The following FRMD6 variants were observed in gnomAD, a reference collection of about 807,000 sequenced individuals.
The protein encoded by FRMD6 is FERM domain containing 6.
In FRMD6, 37 loss-of-function variants were observed where a neutral mutation model predicts 73.2. The observed-to-expected ratio is 0.51, with a 90% CI of 0.39 to 0.66. FRMD6 has a LOEUF of 0.66. Among genes scored for constraint, FRMD6 ranks in the 30% least tolerant of loss-of-function variants. FRMD6 has a pLI of 0.00. For synonymous variants in FRMD6, 273 were observed against 282.2 expected (o/e 0.97, Z 0.33); for missense variants, 714 against 780.5 (o/e 0.91, Z 1.02).
chr14:51,685,738 A>G (rs986541977), intron 1 of FRMD6, among the ~76,000 whole-genome samples: 1 of 152,178 alleles, frequency 6.6e-6, no homozygotes, highest in Non-Finnish European at 1.5e-5. Flanking sequence ...AAATCGGGAC[A>G]ATATTATCGT....
At chr14:51,667,839 A>C (rs560447025) in intron 1 of FRMD6, among the ~76,000 whole-genome samples, 1 of 152,210 alleles carries the variant, frequency 6.6e-6, no homozygotes. Context: ...TAAAACTCAA[A>C]TACTGATTTT....
At chr14:51,523,232 T>C (rs973225273) in intron 1 of FRMD6, among the ~76,000 whole-genome samples, 1 of 152,228 alleles carries the variant, frequency 6.6e-6, no homozygotes, top group African/African-American at 2.4e-5. Context: ...AATAATGTTT[T>C]TCTTTAAGTC....
chr14:51,724,764 G>A (rs1345251303), intron 12 of FRMD6, among the ~76,000 whole-genome samples: 9 of 151,426 alleles, frequency 5.9e-5, no homozygotes, highest in Non-Finnish European at 7.4e-5. Context: ...TTGGCCTTAT[G>A]GATCTAGGGC....
At chr14:51,578,070 G>A (rs1888504965) in intron 2 of FRMD6, among the ~76,000 whole-genome samples, 1 of 152,096 alleles carries the variant, frequency 6.6e-6, no homozygotes, top group Admixed American at 6.5e-5. Flanking sequence ...CATCGTTGCT[G>A]TTATTATTGT....
chr14:51,547,998 T>C (rs1053524679), intron 1 of FRMD6: 1 of 152,106 alleles, frequency 6.6e-6, no homozygotes, highest in Non-Finnish European at 1.5e-5. Context: ...TACAGAAATG[T>C]TAATGAGGTG....
At chr14:51,554,789 C>T (rs1004126200) in intron 1 of FRMD6, 5 of 152,120 alleles carry the variant, frequency 3.3e-5, no homozygotes, top group African/African-American at 1.2e-4. Flanking sequence ...GAATCCGAGA[C>T]AGAAAGAGGA....
At chr14:51,471,345 C>CAACA in the FRMD6 span, among the ~76,000 whole-genome samples, 2 of 151,794 alleles carry the variant, frequency 1.3e-5, no homozygotes, top group Middle Eastern at 6.8e-3. Context: ...ACAACAACAA[C>CAACA]AAAAAATTAG....
Position 51,687,194 on chromosome 14 carries a change from T to G in FRMD6, c.-146-2497T>G, listed in dbSNP as rs371705508. Among the ~76,000 whole-genome samples, 23 of 152,296 alleles carry G rather than the reference T, an allele frequency of 1.5e-4. No individual in the cohort carries two copies. In the East Asian group the frequency reaches 3.7e-3, roughly 24 times the overall value. ...ACATCCCACAGCTCAGAAGATATTTTTTTCTAGTTTATTTTTTAAATTCTG... is the reference window on the plus strand; with the variant it reads ...ACATCCCACAGCTCAGAAGATATTTGTTTCTAGTTTATTTTTTAAATTCTG... On this transcript the variant is annotated intron_variant, in intron 1 of 13. Transcript: ENST00000344768.
intron 1 of FRMD6, among the ~76,000 whole-genome samples, chr14:51,688,268 T>G (rs543605661): frequency 2.0e-5 from 3 of 152,256 alleles, no homozygotes; most frequent in Admixed American, 6.5e-5. Context: ...ATGAGATGAT[T>G]ATTATTAAGA....
intron 1 of FRMD6, among the ~76,000 whole-genome samples, chr14:51,687,578 A>G (rs116047346): frequency 6.6e-6 from 1 of 152,308 alleles, no homozygotes; most frequent in African/African-American, 2.4e-5. Flanking sequence ...TTGTGTGCCC[A>G]AGTAAGTTTG....
intron 2 of FRMD6, among the ~76,000 whole-genome samples, chr14:51,620,553 C>T (rs766954082): frequency 2.6e-5 from 4 of 152,062 alleles, no homozygotes; most frequent in Non-Finnish European, 4.4e-5. Context: ...ACCAGTCAGA[C>T]GTTTGCTTGG....
At chr14:51,449,953 C>CTGGGCCT in the FRMD6 span, among the ~76,000 whole-genome samples, 1 of 152,230 alleles carries the variant, frequency 6.6e-6, no homozygotes, top group South Asian at 2.1e-4. Flanking sequence ...CGATTTCCAT[C>CTGGGCCT]TGGGCCTGTG....
intron 1 of FRMD6, among the ~76,000 whole-genome samples, chr14:51,496,587 C>A (rs939260108): frequency 1.3e-5 from 2 of 152,206 alleles, no homozygotes; most frequent in Non-Finnish European, 2.9e-5. Flanking sequence ...GAAGCCTCTT[C>A]AGATCTGGGC....
chr14:51,614,849 G>A (rs6572781), intron 2 of FRMD6, among the ~76,000 whole-genome samples: 1 of 151,952 alleles, frequency 6.6e-6, no homozygotes, highest in African/African-American at 2.4e-5. Context: ...TACTTCCAAT[G>A]CCTCTAAATC....
At chr14:51,541,109 G>A (rs76789414) in intron 1 of FRMD6, among the ~76,000 whole-genome samples, 2,293 of 152,192 alleles carry the variant, frequency 0.015, 20 homozygotes, top group Non-Finnish European at 0.025. Context: ...GGGTGTCTTA[G>A]AGCAGAGGTT....
chr14:51,729,506 A>G lies in FRMD6; in HGVS notation c.*1477A>G, dbSNP rs181913038. ...GAACTTCATAGCACAATGTCTTTCT[A>G]TAAGATATTTTTAATGATTTAGTAT... On this transcript the variant is annotated 3_prime_UTR_variant, in exon 14 of 14. Transcript: ENST00000344768. The G allele has an allele frequency of 5.9e-5, 9 of 152,786 alleles. 1 individual carries two copies. Among genetic ancestry groups the G allele is most frequent in the Admixed American group, 3.9e-4 (6 of 15,302 alleles). The allele number at this position is 152,786 out of a possible 1,614,324, so 9.5% of individuals were successfully genotyped here. A position where few individuals can be genotyped will look rare whatever the true frequency, so the allele number is the denominator to read the frequency against.
Position 51,708,120 on chromosome 14 carries a change from C to G in FRMD6, c.601C>G (p.Pro201Ala). 6.2e-7 allele frequency: 1 copy of G among 1,613,286 alleles called. No homozygotes were observed. Among genetic ancestry groups the G allele is most frequent in the Non-Finnish European group, 8.5e-7 (1 of 1,179,488 alleles). ...GAAGGACTACATCCTGAAGCACATT[C>G]CAAACATGCACAAAGATCAGTTTGC... Reference protein sequence around the residue: ...RGKDYILKHIPNMHKDQFALT... With the variant: ...RGKDYILKHIANMHKDQFALT... Residue 201 changes from proline to alanine, a missense_variant, in exon 7 of 14, where the codon CCA becomes GCA. Physicochemically the swap from Pro to Ala is conservative, Grantham distance 27. Coordinates refer to ENST00000344768, the MANE Select transcript of FRMD6 (RefSeq NM_001267046.2).
intron 1 of FRMD6, among the ~76,000 whole-genome samples, chr14:51,508,553 T>C (rs1884113039): frequency 6.6e-6 from 1 of 152,120 alleles, no homozygotes; most frequent in Non-Finnish European, 1.5e-5. Context: ...TTGTTCAAAA[T>C]ATGGAGGAAA....
In FRMD6 at chr14:51,657,790, C is replaced by G. The variant is rs375014485; in HGVS notation, c.-147+5794C>G. Among the ~76,000 whole-genome samples, 361 of 152,244 alleles carry G rather than the reference C, an allele frequency of 2.4e-3. 1 individual carries two copies. The highest frequency in any genetic ancestry group is 8.4e-3 in the African/African-American group (348 of 41,532). ...AAACTTTAAAGGTTCCACTCAGCCA[C>G]TGTATCCTAAGGATATAGTTTGGAA... On this transcript the variant is annotated intron_variant, in intron 1 of 13. Transcript: ENST00000344768.
Sources: allele counts gnomAD v4.1 joint callset (sites outside exome capture counted in the v4.1 genomes callset), GRCh38; gene constraint gnomAD v4.1.1; transcripts MANE v1.5; gene names NCBI Gene and HGNC (gene_info 2026-07-23, HGNC 2026-07-21).